Variants in CUX1 observed in about 807,000 individuals in gnomAD.
The protein encoded by CUX1 is protein CASP.
A neutral mutation model predicts 158.8 loss-of-function variants in CUX1; 31 were observed. That is an observed-to-expected ratio of 0.20 (90% CI 0.15 to 0.26). The LOEUF is 0.26. Ranked by LOEUF, CUX1 falls within the 10% of genes least tolerant of loss-of-function variation. The probability of loss-of-function intolerance (pLI) is 1.00; values close to 1 mark genes in which losing one functional copy is unlikely to be tolerated. For synonymous variants in CUX1, 879 were observed against 862.1 expected (o/e 1.02, Z -0.34); for missense variants, 1,589 against 2,014.6 (o/e 0.79, Z 4.04).
intron 2 of CUX1, among the ~76,000 whole-genome samples, chr7:101,956,332 T>C (rs1182231990): frequency 6.6e-6 from 1 of 152,104 alleles, no homozygotes; most frequent in Non-Finnish European, 1.5e-5. Context: ...TGTGCCGAGA[T>C]CGGCCTTTTG....
chr7:102,136,403 T>A (rs1202002110), intron 8 of CUX1, among the ~76,000 whole-genome samples: 4 of 152,190 alleles, frequency 2.6e-5, no homozygotes, highest in African/African-American at 9.6e-5. Context: ...TTTTTTTTTT[T>A]TTATTTGAGA....
intron 3 of CUX1, among the ~76,000 whole-genome samples, chr7:102,040,640 C>T (rs1390998054): frequency 1.3e-5 from 2 of 152,242 alleles, no homozygotes; most frequent in African/African-American, 4.8e-5. Context: ...AAAGTGACTA[C>T]GAGTCTGCTG....
chr7:102,041,450 TAC>T (rs1169678830), intron 3 of CUX1, among the ~76,000 whole-genome samples: 2 of 150,994 alleles, frequency 1.3e-5, no homozygotes, highest in African/African-American at 2.4e-5. Context: ...GATGGGGTTT[TAC>T]CATGTTGTTC....
chr7:101,934,481 T>C (rs910236168), intron 2 of CUX1, among the ~76,000 whole-genome samples: 17 of 152,338 alleles, frequency 1.1e-4, no homozygotes, highest in Admixed American at 1.1e-3. Context: ...AACTTTGAGG[T>C]GGAGGAATTA....
At chr7:102,070,287 T>G (rs377587) in intron 3 of CUX1, 52 bp from the exon 4 acceptor site, 2 of 1,492,888 alleles carry the variant, frequency 1.3e-6, no homozygotes, top group Non-Finnish European at 1.8e-6. Context: ...AATTACCTCT[T>G]GACAAATGTT....
intron 1 of CUX1, among the ~76,000 whole-genome samples, chr7:101,837,514 AGTT>A (rs557021677): frequency 6.1e-4 from 93 of 152,240 alleles, no homozygotes; most frequent in Non-Finnish European, 1.1e-3. Context: ...ACATCTTGCC[AGTT>A]GTTCTATCAT....
chr7:102,256,157 G>C lies in CUX1; in HGVS notation c.*7115G>C, dbSNP rs1172682072. ...CGGAGCCGCTGGCCTGACGAGGCAG[G>C]ATAGGGAGTATCCGTGATTCAGAAG... On this transcript the variant is annotated 3_prime_UTR_variant, in exon 24 of 24. Coordinates refer to ENST00000292535, the MANE Select transcript of CUX1 (RefSeq NM_181552.4). The C allele has an allele frequency of 1.0e-6, 1 of 985,438 alleles. No homozygotes were observed. The highest frequency in any genetic ancestry group is 1.1e-4 in the East Asian group (1 of 8,812). 61.0% of individuals were successfully genotyped at this position (985,438 alleles called of 1,614,324 possible).
At chr7:102,145,163 T>C (rs1372042231) in intron 8 of CUX1, among the ~76,000 whole-genome samples, 3 of 152,088 alleles carry the variant, frequency 2.0e-5, no homozygotes, top group Non-Finnish European at 2.9e-5. Flanking sequence ...GGTGTATCTT[T>C]AAGTCTTGGT....
intron 2 of CUX1, among the ~76,000 whole-genome samples, chr7:101,988,800 A>G (rs1585189193): frequency 6.6e-6 from 1 of 152,042 alleles, no homozygotes; most frequent in African/African-American, 2.4e-5. Context: ...CAGGAGTTTG[A>G]GCCAGCCTCG....
intron 2 of CUX1, among the ~76,000 whole-genome samples, chr7:101,956,053 A>G (rs1394560411): frequency 6.9e-6 from 1 of 144,886 alleles, no homozygotes; most frequent in Non-Finnish European, 1.5e-5. Context: ...GAGGTGGCAC[A>G]TGCCTGTAGT....
In CUX1 at chr7:102,233,985, C is replaced by T. The variant is rs184041332; in HGVS notation, c.3434-67C>T. The T allele has an allele frequency of 2.3e-5, 29 of 1,285,422 alleles. No individual in the cohort carries two copies. The Admixed American group carries it at 5.9e-4, about 26-fold the overall frequency. The allele number at this position is 1,285,422 out of a possible 1,614,324, so 79.6% of individuals were successfully genotyped here. On this transcript the variant is annotated intron_variant, in intron 21 of 23. Coordinates refer to ENST00000292535, the MANE Select transcript of CUX1 (RefSeq NM_181552.4). ...CCTGTGTCTGATTTTAACCTTGACACGTACTTGTCCCTTCAGATCCCTGGC... is the reference window on the plus strand; with the variant it reads ...CCTGTGTCTGATTTTAACCTTGACATGTACTTGTCCCTTCAGATCCCTGGC...
At chr7:101,897,735 A>G (rs749675497) in intron 1 of CUX1, among the ~76,000 whole-genome samples, 3 of 152,178 alleles carry the variant, frequency 2.0e-5, no homozygotes, top group Non-Finnish European at 2.9e-5. Context: ...CCAAATCTTT[A>G]TAGTTTCAGC....
intron 3 of CUX1, among the ~76,000 whole-genome samples, chr7:102,030,699 T>TTTTTTGTTTTTTGTTTTTTG (rs1403266230): frequency 6.8e-6 from 1 of 147,006 alleles, no homozygotes; most frequent in African/African-American, 2.5e-5. Flanking sequence ...GTGTTTTTTT[T>TTTTTTGTTTTTTGTTTTTTG]TTTTGAGACA....
chr7:102,110,218 A>C (rs1554489660), intron 6 of CUX1, among the ~76,000 whole-genome samples: 1 of 152,174 alleles, frequency 6.6e-6, no homozygotes, highest in Non-Finnish European at 1.5e-5. Context: ...AGTATCCTGC[A>C]TATTAGTTCG....
rs182067175 is a variant in CUX1, at chr7:102,277,749, G to A, written c.1564-200G>A. Among the ~76,000 whole-genome samples, 1,345 of 152,258 alleles carry A rather than the reference G, an allele frequency of 8.8e-3. 21 individuals are homozygous for A. The highest frequency in any genetic ancestry group is 0.03 in the African/African-American group (1,260 of 41,544). ...ACCACGATTACATTTGCACCAACGTGATACATATGAAGAAACCTGACCCAA... is the reference window on the plus strand; with the variant it reads ...ACCACGATTACATTTGCACCAACGTAATACATATGAAGAAACCTGACCCAA... On this transcript the variant is annotated intron_variant, in intron 17 of 22. Coordinates refer to the CUX1 transcript ENST00000292538.
At chr7:102,114,502 C>T (rs1299998296) in intron 7 of CUX1, among the ~76,000 whole-genome samples, 1 of 152,204 alleles carries the variant, frequency 6.6e-6, no homozygotes, top group Non-Finnish European at 1.5e-5. Flanking sequence ...GTCTCAAACT[C>T]CTGACCTCAG....
chr7:102,046,569 ATTTTTTTTT>A (rs55753644), intron 3 of CUX1, among the ~76,000 whole-genome samples: 11 of 55,480 alleles, frequency 2.0e-4, no homozygotes, highest in African/African-American at 6.5e-4. Flanking sequence ...TTTGGTTTGG[ATTTTTTTTT>A]TTTTTTTTTT....
In CUX1 at chr7:101,843,248, A is replaced by C. The variant is rs148253666; in HGVS notation, c.30+25579A>C. Among the ~76,000 whole-genome samples the C allele has an allele frequency of 9.6e-3, 1,452 of 151,682 alleles. 10 individuals carry two copies. The highest frequency in any genetic ancestry group is 0.012 in the Non-Finnish European group (839 of 67,900). On this transcript the variant is annotated intron_variant, in intron 1 of 23. Transcript: ENST00000292535. Reference sequence around the variant, plus strand: ...TCTTTAATTATTTCCAATCCATATCATTTTGCTTTCATTGCATTTGTTGCA... The same window carrying C: ...TCTTTAATTATTTCCAATCCATATCCTTTTGCTTTCATTGCATTTGTTGCA...
intron 2 of CUX1, among the ~76,000 whole-genome samples, chr7:101,949,126 CATT>C (rs748113946): frequency 6.6e-6 from 1 of 151,716 alleles, no homozygotes; most frequent in African/African-American, 2.4e-5. Context: ...AAACATTGGT[CATT>C]ATTATTATTA....
Sources: gnomAD v4.1 joint callset for allele counts (sites outside exome capture counted in the v4.1 genomes callset) on GRCh38, gnomAD v4.1.1 for gene constraint, MANE v1.5 for transcripts, NCBI Gene and HGNC (gene_info 2026-07-23, HGNC 2026-07-21) for gene names.